Variants in GTF2F2 observed in about 807,000 individuals in gnomAD.
The protein encoded by GTF2F2 is general transcription factor IIF subunit 2, also known as ATP-dependent helicase GTF2F2.
GTF2F2 carries 23 observed loss-of-function variants against 42.2 expected under a neutral mutation model. The observed-to-expected ratio is 0.55, with a 90% CI of 0.39 to 0.77. The LOEUF is 0.77. Among genes scored for constraint, GTF2F2 ranks in the 30% least tolerant of loss-of-function variants. The pLI is 0.00. For synonymous variants in GTF2F2, 105 were observed against 100.8 expected (o/e 1.04, Z -0.25); for missense variants, 261 against 287.2 (o/e 0.91, Z 0.66).
chr13:45,216,929 C>A (rs1250503081), intron 5 of GTF2F2, among the ~76,000 whole-genome samples: 1 of 152,124 alleles, frequency 6.6e-6, no homozygotes, highest in Non-Finnish European at 1.5e-5. Flanking sequence ...TCAAAGCCAG[C>A]CATTTTCACT....
At chr13:45,261,801 A>G (rs1399959725) in intron 6 of GTF2F2, among the ~76,000 whole-genome samples, 2 of 152,226 alleles carry the variant, frequency 1.3e-5, no homozygotes, top group East Asian at 3.8e-4. Context: ...TCTCCTAAAT[A>G]GAATAGTTCA....
chr13:45,134,114 C>A (rs1392652991), intron 1 of GTF2F2, among the ~76,000 whole-genome samples: 1 of 152,140 alleles, frequency 6.6e-6, no homozygotes, highest in African/African-American at 2.4e-5. Flanking sequence ...AACCAGTATC[C>A]ATTTACTTTG....
At chr13:45,254,088 AAAG>A (rs1465558840) in intron 6 of GTF2F2, among the ~76,000 whole-genome samples, 9 of 149,760 alleles carry the variant, frequency 6.0e-5, no homozygotes, top group South Asian at 4.2e-4. Context: ...AAAAAAAAAG[AAAG>A]AAGAAGAGTG....
At chr13:45,205,642 C>G (rs1196235809) in intron 4 of GTF2F2, among the ~76,000 whole-genome samples, 1 of 152,164 alleles carries the variant, frequency 6.6e-6, no homozygotes, top group East Asian at 1.9e-4. Context: ...GCCTCAGCCT[C>G]CTGAGTAGCT....
At chr13:45,135,064 G>T (rs191755179) in intron 1 of GTF2F2, among the ~76,000 whole-genome samples, 1 of 151,104 alleles carries the variant, frequency 6.6e-6, no homozygotes, top group Non-Finnish European at 1.5e-5. Flanking sequence ...AGCAATTCTC[G>T]TGCCTTAGTC....
At chr13:45,165,382 T>C (rs1364015136) in intron 4 of GTF2F2, among the ~76,000 whole-genome samples, 1 of 149,540 alleles carries the variant, frequency 6.7e-6, no homozygotes, top group African/African-American at 2.5e-5. Context: ...GGCTAGAGTA[T>C]AGTAGCACAA....
chr13:45,193,576 T>C, intron 4 of GTF2F2: 1 of 494,654 alleles, frequency 2.0e-6, no homozygotes, highest in East Asian at 3.0e-5. Flanking sequence ...CTGTTTTCAT[T>C]TTAGGTGGAA....
rs1566135425 is a variant in GTF2F2 at position 45,207,515 on chromosome 13, T to C, written c.386+10T>C. The C allele has an allele frequency of 1.3e-6, 2 of 1,551,652 alleles. No homozygotes were observed. Among genetic ancestry groups the C allele is most frequent in the South Asian group, 1.1e-5 (1 of 89,660 alleles). ...ACATGCGATTAAAAAGGTTGGTGTT[T>C]TGTAACTCCAGAATGATACCTGATA... On this transcript the variant is annotated intron_variant, in intron 5 of 7. Coordinates refer to ENST00000340473, the MANE Select transcript of GTF2F2 (RefSeq NM_004128.3).
intron 7 of GTF2F2, among the ~76,000 whole-genome samples, chr13:45,272,949 C>T (rs1369202790): frequency 1.2e-4 from 11 of 90,898 alleles, no homozygotes; most frequent in Admixed American, 1.2e-3. Flanking sequence ...TTTTTTGAGA[C>T]GGAGTCTCAC....
chr13:45,196,293 G>T (rs916705920), intron 4 of GTF2F2, among the ~76,000 whole-genome samples: 6 of 152,134 alleles, frequency 3.9e-5, no homozygotes, highest in Admixed American at 6.6e-5. Flanking sequence ...AGAATTTTTA[G>T]TATTTTATCT....
chr13:45,273,655 A>ATTTTTTTTTTTTTTTTTTTTTTTTTT lies in GTF2F2; in HGVS notation c.630+6296_630+6297insTTTTTTTTTTTTTTTTTTTTTTTTTT, dbSNP rs773254844. 1.1e-4 allele frequency among the ~76,000 whole-genome samples: 14 copies of ATTTTTTTTTTTTTTTTTTTTTTTTTT among 123,882 alleles called. 2 individuals carry two copies. The highest frequency in any genetic ancestry group is 4.9e-4 in the African/African-American group (14 of 28,406). 81.3% of individuals were successfully genotyped at this position (123,882 alleles called of 152,430 possible). On this transcript the variant is annotated intron_variant, in intron 7 of 7. Coordinates refer to ENST00000340473, the MANE Select transcript of GTF2F2 (RefSeq NM_004128.3). ...CCACTTGATTTTAAAGAGTGGTAAA[A>ATTTTTTTTTTTTTTTTTTTTTTTTTT]TTTTTTTTTTTTTTTTTGAGACGGA...
At chr13:45,216,260 A>C (rs1873883268) in intron 5 of GTF2F2, among the ~76,000 whole-genome samples, 1 of 152,142 alleles carries the variant, frequency 6.6e-6, no homozygotes, top group Admixed American at 6.5e-5. Context: ...TTAAAAACTC[A>C]AAGGTTATAC....
intron 1 of GTF2F2, among the ~76,000 whole-genome samples, chr13:45,133,238 G>A (rs1040860311): frequency 6.6e-6 from 1 of 152,120 alleles, no homozygotes. Context: ...GTGAGAAGAT[G>A]TTAATTAGAG....
intron 7 of GTF2F2, among the ~76,000 whole-genome samples, chr13:45,276,693 G>A (rs760477321): frequency 3.3e-5 from 5 of 152,166 alleles, no homozygotes; most frequent in South Asian, 2.1e-4. Context: ...CACCTGCCTC[G>A]GCCTCCCAAA....
intron 4 of GTF2F2, among the ~76,000 whole-genome samples, chr13:45,178,119 C>T (rs1226885808): frequency 6.6e-6 from 1 of 152,012 alleles, no homozygotes; most frequent in Non-Finnish European, 1.5e-5. Flanking sequence ...AATGTTACTT[C>T]TATTTTTTTT....
At chr13:45,246,837 A>G (rs1158646168) in intron 5 of GTF2F2, among the ~76,000 whole-genome samples, 1 of 151,616 alleles carries the variant, frequency 6.6e-6, no homozygotes, top group African/African-American at 2.4e-5. Context: ...GGAGCTCTAG[A>G]CCATCCTGGC....
intron 2 of GTF2F2, among the ~76,000 whole-genome samples, chr13:45,141,005 T>A (rs540483080): frequency 3.3e-5 from 5 of 152,378 alleles, no homozygotes; most frequent in African/African-American, 1.2e-4. Context: ...ACCCATAGGA[T>A]GTTTATAAAA....
chr13:45,263,289 G>A lies in GTF2F2; in HGVS notation c.487-3944G>A, dbSNP rs1876420985. Among the ~76,000 whole-genome samples, 2 of 151,226 alleles carry A rather than the reference G, an allele frequency of 1.3e-5. 1 individual carries two copies. The highest frequency in any genetic ancestry group is 4.9e-5 in the African/African-American group (2 of 41,084). The stretch of plus-strand genomic sequence containing the variant: ...GTCACCCAGGCTAGAGTGCAGTGGC[G>A]CGATCTCGGCTCACTGCAAGCTCCG... On this transcript the variant is annotated intron_variant, in intron 6 of 7. Coordinates refer to ENST00000340473, the MANE Select transcript of GTF2F2 (RefSeq NM_004128.3).
At chr13:45,179,034 G>A in intron 4 of GTF2F2, among the ~76,000 whole-genome samples, 1 of 152,124 alleles carries the variant, frequency 6.6e-6, no homozygotes, top group South Asian at 2.1e-4. Flanking sequence ...TTTACATGGT[G>A]GCTGTTTTCC....
Sources: allele counts gnomAD v4.1 joint callset (sites outside exome capture counted in the v4.1 genomes callset), GRCh38; gene constraint gnomAD v4.1.1; transcripts MANE v1.5; gene names NCBI Gene and HGNC (gene_info 2026-07-23, HGNC 2026-07-21).